Variants in SLC4A10 observed in about 807,000 individuals in gnomAD.
The protein encoded by SLC4A10 is sodium-driven chloride bicarbonate exchanger.
A neutral mutation model predicts 137.7 loss-of-function variants in SLC4A10; 42 were observed. The observed-to-expected ratio is 0.30, with a 90% confidence interval of 0.24 to 0.39. The LOEUF is 0.39. Among genes scored for constraint, SLC4A10 ranks in the 10% least tolerant of loss-of-function variants. The probability of loss-of-function intolerance (pLI) is 1.00; values close to 1 mark genes in which losing one functional copy is unlikely to be tolerated. For missense variants in SLC4A10, 925 were observed against 1,355.0 expected, an observed-to-expected ratio of 0.68 and a Z score of 4.98; for synonymous variants, 474 against 464.1, an observed-to-expected ratio of 1.02 and a Z score of -0.27.
chr2:161,664,773 A>G (rs576556491), intron 1 of SLC4A10, among the ~76,000 whole-genome samples: 2 of 151,254 alleles, frequency 1.3e-5, no homozygotes, highest in Non-Finnish European at 3.0e-5. Context: ...ATATAGTACC[A>G]TATTTGCTTT....
rs774276605 is a variant in SLC4A10, at chr2:161,804,513, C to G, written c.195C>G (p.His65Gln). 4 of 1,613,032 alleles carry G rather than the reference C, an allele frequency of 2.5e-6. No homozygotes were observed. In the Admixed American group the frequency reaches 5.0e-5, roughly 20 times the overall value. Residue 65 changes from histidine (H) to glutamine (Q), a missense_variant, in exon 3 of 27, where the codon CAC becomes CAG. His to Gln is a conservative substitution (Grantham distance 24). This residue lies in a region of SLC4A10 where 138 missense variants were observed against 171.3 expected (regional missense o/e 0.81). Coordinates refer to ENST00000446997, the MANE Select transcript of SLC4A10 (RefSeq NM_001178015.2). The stretch of plus-strand genomic sequence containing the variant: ...GAGGAAGAAAAAGCCATCGACGTCA[C>G]AGGCATCGTGGTCATAAACACAGAA... ...PLGGRKSHRR[H>Q]RHRGHKHRKR...
At chr2:161,627,458 G>C (rs1485117321) in intron 1 of SLC4A10, among the ~76,000 whole-genome samples, 3 of 151,908 alleles carry the variant, frequency 2.0e-5, no homozygotes, top group Non-Finnish European at 4.4e-5. Flanking sequence ...GAAAGAGAAA[G>C]GAAAATAAGA....
At chr2:161,908,508 G>A (rs1167290045) in intron 15 of SLC4A10, among the ~76,000 whole-genome samples, 1 of 149,762 alleles carries the variant, frequency 6.7e-6, no homozygotes, top group Non-Finnish European at 1.5e-5. Context: ...GATGGGTGCA[G>A]CACACCAACA....
chr2:161,731,611 C>A (rs2046831902), intron 1 of SLC4A10, among the ~76,000 whole-genome samples: 1 of 151,980 alleles, frequency 6.6e-6, no homozygotes, highest in South Asian at 2.1e-4. Flanking sequence ...TTAATTTAAA[C>A]TAAAATTAGT....
At chr2:161,973,675 G>A (rs145896694) in intron 23 of SLC4A10, among the ~76,000 whole-genome samples, 1 of 152,160 alleles carries the variant, frequency 6.6e-6, no homozygotes, top group Non-Finnish European at 1.5e-5. Context: ...CTAGAGTAGT[G>A]GTTCTTTAAA....
intron 1 of SLC4A10, among the ~76,000 whole-genome samples, chr2:161,741,253 A>G (rs568098288): frequency 3.0e-5 from 2 of 66,572 alleles, no homozygotes; most frequent in Non-Finnish European, 3.1e-5. Context: ...ACAGAGAAAG[A>G]CTCTCAAAAA....
chr2:161,903,852 G>A (rs751841708), intron 12 of SLC4A10, among the ~76,000 whole-genome samples, 152 bp from the exon 13 acceptor site: 1 of 152,196 alleles, frequency 6.6e-6, no homozygotes, highest in Non-Finnish European at 1.5e-5. Flanking sequence ...CCTCCCTGTA[G>A]ATTGTTATAA....
intron 1 of SLC4A10, among the ~76,000 whole-genome samples, chr2:161,705,017 C>T (rs2043504526): frequency 6.6e-6 from 1 of 151,492 alleles, no homozygotes; most frequent in South Asian, 2.1e-4. Flanking sequence ...AAATGAATTA[C>T]TTGTATTTAC....
At chr2:161,651,612 C>T (rs2036806759) in intron 1 of SLC4A10, among the ~76,000 whole-genome samples, 1 of 152,204 alleles carries the variant, frequency 6.6e-6, no homozygotes, top group African/African-American at 2.4e-5. Context: ...TTCTGGGCGC[C>T]ACCACATTCC....
At chr2:161,904,561 G>A (rs748283892) in intron 13 of SLC4A10, among the ~76,000 whole-genome samples, 1 of 152,156 alleles carries the variant, frequency 6.6e-6, no homozygotes, top group Non-Finnish European at 1.5e-5. Context: ...CGTGAGATAG[G>A]AAAGTGAAGA....
chr2:161,674,719 C>G (rs909254482), intron 1 of SLC4A10, among the ~76,000 whole-genome samples: 4 of 152,176 alleles, frequency 2.6e-5, no homozygotes, highest in Non-Finnish European at 5.9e-5. Context: ...TCATCTTCAT[C>G]CCTACCTTTT....
intron 2 of SLC4A10, among the ~76,000 whole-genome samples, chr2:161,776,000 T>A (rs2052281965): frequency 6.6e-6 from 1 of 151,918 alleles, no homozygotes; most frequent in African/African-American, 2.4e-5. Context: ...AACAATGGAC[T>A]GTTTATCTTA....
intron 1 of SLC4A10, among the ~76,000 whole-genome samples, chr2:161,748,431 T>C (rs1390072770): frequency 6.7e-6 from 1 of 148,172 alleles, no homozygotes; most frequent in Non-Finnish European, 1.5e-5. Context: ...TAAGCCATTT[T>C]GAGTTTGTGT....
At chr2:161,782,197 G>A (rs934481493) in intron 2 of SLC4A10, among the ~76,000 whole-genome samples, 1 of 151,944 alleles carries the variant, frequency 6.6e-6, no homozygotes, top group African/African-American at 2.4e-5. Flanking sequence ...ACTTTCTGGG[G>A]GTTTTCCAAA....
intron 4 of SLC4A10, among the ~76,000 whole-genome samples, chr2:161,844,197 CT>C (rs1180250411): frequency 6.6e-6 from 1 of 152,088 alleles, no homozygotes; most frequent in African/African-American, 2.4e-5. Flanking sequence ...CGTTAGGCTT[CT>C]GATACATACA....
chr2:161,938,051 T>C (rs1171908235), intron 15 of SLC4A10, among the ~76,000 whole-genome samples: 1 of 152,092 alleles, frequency 6.6e-6, no homozygotes, highest in African/African-American at 2.4e-5. Flanking sequence ...AGCAGGCAGA[T>C]TGCTTTAGGC....
intron 15 of SLC4A10, among the ~76,000 whole-genome samples, chr2:161,935,539 T>C (rs1691429223): frequency 6.6e-6 from 1 of 152,194 alleles, no homozygotes; most frequent in South Asian, 2.1e-4. Flanking sequence ...ATATGTGTCC[T>C]CTACAATTAT....
At chr2:161,684,573 A>G (rs2041192802) in intron 1 of SLC4A10, among the ~76,000 whole-genome samples, 1 of 152,202 alleles carries the variant, frequency 6.6e-6, no homozygotes, top group African/African-American at 2.4e-5. Context: ...AGGAAAGAGA[A>G]AGAATGTTGT....
At chr2:161,729,886 G>T (rs192603035) in intron 1 of SLC4A10, among the ~76,000 whole-genome samples, 1 of 152,158 alleles carries the variant, frequency 6.6e-6, no homozygotes, top group African/African-American at 2.4e-5. Flanking sequence ...CGTCAGTTTG[G>T]TTTTCACTGG....
Sources: gnomAD v4.1 joint callset for allele counts (sites outside exome capture counted in the v4.1 genomes callset) on GRCh38, gnomAD v4.1.1 for gene constraint, gnomAD v4.1.1 regional missense constraint, MANE v1.5 for transcripts, NCBI Gene and HGNC (gene_info 2026-07-23, HGNC 2026-07-21) for gene names.